The following DIAPH3 variants were observed in gnomAD, a reference collection of about 807,000 sequenced individuals.
The protein encoded by DIAPH3 is protein diaphanous homolog 3.
A neutral mutation model predicts 144.3 loss-of-function variants in DIAPH3; 117 were observed. That is an observed-to-expected ratio of 0.81 (90% confidence interval 0.70 to 0.95). DIAPH3 has a LOEUF of 0.95. DIAPH3 is among the 40% of genes least tolerant of loss of function. DIAPH3 has a pLI of 0.00. For synonymous variants in DIAPH3, 519 were observed against 488.9 expected, an observed-to-expected ratio of 1.06 and a Z score of -0.81; for missense variants, 1,421 against 1,412.7, an observed-to-expected ratio of 1.01 and a Z score of -0.09.
chr13:60,159,638 A>AAG (rs397696482), intron 1 of DIAPH3, among the ~76,000 whole-genome samples: 1 of 151,578 alleles, frequency 6.6e-6, no homozygotes, highest in Non-Finnish European at 1.5e-5. Context: ...AAAAAAAAAA[A>AAG]GAAAGAAAGA....
chr13:60,039,735 C>G (rs17057556), intron 5 of DIAPH3, among the ~76,000 whole-genome samples: 9,610 of 152,172 alleles, frequency 0.063, 457 homozygotes, highest in East Asian at 0.28. Flanking sequence ...AATGATATTA[C>G]AGGTCTAACA....
intron 5 of DIAPH3, among the ~76,000 whole-genome samples, chr13:60,035,316 T>A (rs2055128846): frequency 6.6e-6 from 1 of 152,110 alleles, no homozygotes; most frequent in Admixed American, 6.6e-5. Flanking sequence ...CAAATATTTA[T>A]ACAACATTTT....
chr13:59,796,121 T>C (rs1435539479), intron 25 of DIAPH3, among the ~76,000 whole-genome samples: 1 of 152,206 alleles, frequency 6.6e-6, no homozygotes, highest in East Asian at 1.9e-4. Context: ...GAGTCAGCTG[T>C]GCACACATCT....
At chr13:59,884,232 C>T (rs868353586) in intron 20 of DIAPH3, among the ~76,000 whole-genome samples, 1 of 152,130 alleles carries the variant, frequency 6.6e-6, no homozygotes, top group African/African-American at 2.4e-5. Flanking sequence ...GATGATCTGT[C>T]GCTGTCTCCT....
chr13:59,688,793 A>T (rs2033350860), intron 27 of DIAPH3, among the ~76,000 whole-genome samples: 1 of 152,078 alleles, frequency 6.6e-6, no homozygotes, highest in Admixed American at 6.6e-5. Context: ...GTAAAGGAAA[A>T]ATCTATTAAA....
chr13:59,768,690 A>T (rs2037974669), intron 27 of DIAPH3, among the ~76,000 whole-genome samples: 1 of 152,192 alleles, frequency 6.6e-6, no homozygotes, highest in Admixed American at 6.5e-5. Flanking sequence ...AACCAGCTTC[A>T]CATTTAACTC....
chr13:59,785,723 A>T (rs2038999355), intron 25 of DIAPH3, among the ~76,000 whole-genome samples: 1 of 152,196 alleles, frequency 6.6e-6, no homozygotes, highest in Non-Finnish European at 1.5e-5. Context: ...TAGGAAAGCT[A>T]AAATTTCTCT....
intron 17 of DIAPH3, among the ~76,000 whole-genome samples, chr13:59,952,499 T>C (rs1330181398): frequency 6.6e-6 from 1 of 152,172 alleles, no homozygotes; most frequent in East Asian, 1.9e-4. Flanking sequence ...CCAATCAGGG[T>C]GCATCCAACA....
intron 4 of DIAPH3, among the ~76,000 whole-genome samples, chr13:60,047,110 A>G (rs1374647059): frequency 6.6e-6 from 1 of 152,188 alleles, no homozygotes; most frequent in Admixed American, 6.5e-5. Flanking sequence ...TGTATCCCAG[A>G]AATTAAAGTA....
intron 25 of DIAPH3, among the ~76,000 whole-genome samples, chr13:59,793,414 C>T (rs1366749563): frequency 6.6e-6 from 1 of 152,192 alleles, no homozygotes; most frequent in African/African-American, 2.4e-5. Flanking sequence ...ACTCATATCT[C>T]AGTCTCATCT....
intron 17 of DIAPH3, among the ~76,000 whole-genome samples, chr13:59,932,703 C>T (rs2048079684): frequency 6.6e-6 from 1 of 152,108 alleles, no homozygotes; most frequent in Admixed American, 6.6e-5. Flanking sequence ...GTAAGGTAAT[C>T]CTCTTCTACC....
intron 4 of DIAPH3, among the ~76,000 whole-genome samples, chr13:60,055,615 T>G (rs1037595184): frequency 2.0e-5 from 3 of 151,512 alleles, no homozygotes. Context: ...CATGCAATTA[T>G]AAGAAAAAAA....
At chr13:60,027,008 C>T (rs2054422259) in intron 5 of DIAPH3, among the ~76,000 whole-genome samples, 1 of 152,170 alleles carries the variant, frequency 6.6e-6, no homozygotes, top group Non-Finnish European at 1.5e-5. Context: ...GTACCTTAAA[C>T]TTGGAAGGTC....
chr13:60,044,982 G>A (rs2055963223), intron 4 of DIAPH3, among the ~76,000 whole-genome samples: 1 of 152,154 alleles, frequency 6.6e-6, no homozygotes, highest in African/African-American at 2.4e-5. Context: ...TTTGCCTTCT[G>A]CCATGATTGT....
chr13:59,933,496 C>G (rs1039240074), intron 17 of DIAPH3, among the ~76,000 whole-genome samples: 1 of 152,208 alleles, frequency 6.6e-6, no homozygotes, highest in Admixed American at 6.5e-5. Flanking sequence ...AAAGCCAGTA[C>G]AAAATACACT....
At chr13:60,018,802 GA>G (rs1427623677) in intron 5 of DIAPH3, among the ~76,000 whole-genome samples, 1 of 152,022 alleles carries the variant, frequency 6.6e-6, no homozygotes, top group Non-Finnish European at 1.5e-5. Context: ...TCAAAAACAA[GA>G]AAAGTGGGAC....
intron 4 of DIAPH3, among the ~76,000 whole-genome samples, chr13:60,076,669 T>C (rs575540379): frequency 6.6e-6 from 1 of 152,298 alleles, no homozygotes; most frequent in African/African-American, 2.4e-5. Context: ...TTATACTTTC[T>C]AAATTTTCTG....
intron 4 of DIAPH3, among the ~76,000 whole-genome samples, chr13:60,073,017 T>C (rs2057264722): frequency 6.6e-6 from 1 of 152,108 alleles, no homozygotes; most frequent in Non-Finnish European, 1.5e-5. Context: ...TGTGTTATGA[T>C]GAAAATATAG....
chr13:59,841,728 A>C (rs1274560336), intron 22 of DIAPH3, among the ~76,000 whole-genome samples: 1 of 152,214 alleles, frequency 6.6e-6, no homozygotes, highest in East Asian at 1.9e-4. Flanking sequence ...CAGTGACAAT[A>C]AAAATAATAG....
Sources: gnomAD v4.1 joint callset for allele counts (sites outside exome capture counted in the v4.1 genomes callset) on GRCh38, gnomAD v4.1.1 for gene constraint, MANE v1.5 for transcripts, NCBI Gene and HGNC (gene_info 2026-07-23, HGNC 2026-07-21) for gene names.